The following ZSWIM5 variants were observed in gnomAD, a reference collection of about 807,000 sequenced individuals.
The protein encoded by ZSWIM5 is zinc finger SWIM domain-containing protein 5.
A neutral mutation model predicts 119.6 loss-of-function variants in ZSWIM5; 55 were observed. That is an observed-to-expected ratio of 0.46 (90% confidence interval 0.37 to 0.58). The LOEUF is 0.58. ZSWIM5 is among the 20% of genes least tolerant of loss of function. The probability of loss-of-function intolerance (pLI) is 0.00; values close to 1 mark genes in which losing one functional copy is unlikely to be tolerated. For synonymous variants in ZSWIM5, 537 were observed against 606.9 expected, an observed-to-expected ratio of 0.88 and a Z score of 1.69; for missense variants, 1,193 against 1,512.8, an observed-to-expected ratio of 0.79 and a Z score of 3.51.
chr1:45,182,038 A>C (rs1014379583), intron 1 of ZSWIM5, among the ~76,000 whole-genome samples: 33 of 152,186 alleles, frequency 2.2e-4, no homozygotes, highest in African/African-American at 8.0e-4. Flanking sequence ...GAGCAAAATA[A>C]CCAGCTAACA....
intron 2 of ZSWIM5, among the ~76,000 whole-genome samples, chr1:45,085,672 A>ATTG (rs1645323143): frequency 6.6e-6 from 1 of 151,962 alleles, no homozygotes. Context: ...CACAGATCCC[A>ATTG]AGGGCAGGGG....
At chr1:45,112,862 G>A (rs1645526644) in intron 1 of ZSWIM5, among the ~76,000 whole-genome samples, 1 of 152,226 alleles carries the variant, frequency 6.6e-6, no homozygotes, top group African/African-American at 2.4e-5. Flanking sequence ...ATGGACAACT[G>A]TGTAGACAGT....
chr1:45,143,009 A>G (rs1001211789), intron 1 of ZSWIM5, among the ~76,000 whole-genome samples: 1 of 135,162 alleles, frequency 7.4e-6, no homozygotes, highest in Non-Finnish European at 1.6e-5. Context: ...TGTCTCTACC[A>G]AAAAAAAAAA....
chr1:45,051,894 C>T (rs1159871609), intron 4 of ZSWIM5, among the ~76,000 whole-genome samples: 3 of 152,092 alleles, frequency 2.0e-5, no homozygotes, highest in Non-Finnish European at 4.4e-5. Flanking sequence ...TTACCTAGCA[C>T]ATAGTAGAAT....
rs575425617 is a variant in ZSWIM5, at chr1:45,192,767, T to C, written c.595+12989A>G. 3.7e-4 allele frequency among the ~76,000 whole-genome samples: 56 copies of C among 152,318 alleles called. 1 individual carries two copies. In the Middle Eastern group the frequency reaches 0.01, roughly 28 times the overall value. On this transcript the variant is annotated intron_variant, in intron 1 of 13. Transcript: ENST00000359600. ...TCTACAAAAGCTACACCATTTTATA[T>C]TTCCAAATGGTTCCAACTTCTCCAC... is the stretch of plus-strand genomic sequence containing the variant.
intron 1 of ZSWIM5, among the ~76,000 whole-genome samples, chr1:45,145,632 G>C (rs1269367269): frequency 6.6e-6 from 1 of 151,972 alleles, no homozygotes; most frequent in Non-Finnish European, 1.5e-5. Flanking sequence ...TATAATGATG[G>C]AGAACAGATC....
intron 4 of ZSWIM5, among the ~76,000 whole-genome samples, chr1:45,052,224 C>T (rs1309374395): frequency 6.6e-6 from 1 of 151,842 alleles, no homozygotes; most frequent in Non-Finnish European, 1.5e-5. Context: ...TGAGGTTTCA[C>T]CATGTCGGCT....
At chr1:45,064,753 A>G (rs1645173727) in intron 2 of ZSWIM5, among the ~76,000 whole-genome samples, 1 of 152,204 alleles carries the variant, frequency 6.6e-6, no homozygotes. Context: ...ATGAGGCCAT[A>G]TTATTCTCCT....
intron 1 of ZSWIM5, among the ~76,000 whole-genome samples, chr1:45,169,010 C>A (rs1016245274): frequency 6.6e-6 from 1 of 152,070 alleles, no homozygotes; most frequent in Admixed American, 6.6e-5. Context: ...TACCCAAACT[C>A]TTCAGAAAGA....
intron 1 of ZSWIM5, among the ~76,000 whole-genome samples, chr1:45,093,323 T>C (rs1446573366): frequency 1.3e-5 from 2 of 152,234 alleles, no homozygotes; most frequent in Non-Finnish European, 2.9e-5. Context: ...TTGAAACCTC[T>C]AGGTTAATCT....
chr1:45,049,277 A>G (rs535949181), intron 5 of ZSWIM5, among the ~76,000 whole-genome samples: 1 of 152,298 alleles, frequency 6.6e-6, no homozygotes, highest in Admixed American at 6.5e-5. Flanking sequence ...CAGACAGTAT[A>G]GTTTGATGGC....
At chr1:45,055,457 A>G (rs1446140129) in intron 4 of ZSWIM5, among the ~76,000 whole-genome samples, 2 of 152,202 alleles carry the variant, frequency 1.3e-5, no homozygotes, top group Admixed American at 6.5e-5. Flanking sequence ...TCTTGATGCT[A>G]TATATTGAGA....
intron 2 of ZSWIM5, among the ~76,000 whole-genome samples, chr1:45,076,805 GTCTCC>G (rs1645258767): frequency 6.6e-6 from 1 of 150,562 alleles, no homozygotes; most frequent in South Asian, 2.1e-4. Flanking sequence ...TCTTTTTTTC[GTCTCC>G]TCTGACTGTG....
Position 45,205,897 on chromosome 1 carries a change from C to A in ZSWIM5, c.454G>T (p.Ala152Ser). The A allele has an allele frequency of 9.6e-7, 1 of 1,038,052 alleles. No individual in the cohort carries two copies. Among genetic ancestry groups the A allele is most frequent in the East Asian group, 8.5e-5 (1 of 11,730 alleles). 64.3% of individuals were successfully genotyped at this position (1,038,052 alleles called of 1,614,324 possible). ...GCCCCAGCCGCGACGCCCCCGGGGG[C>A]GGAGCCGGCCGGAGCGGCGGCCCCG... is the stretch of plus-strand genomic sequence containing the variant. ...PPGAAAPAGSAPGGVAAGASP... is the reference protein window; with the variant it reads ...PPGAAAPAGSSPGGVAAGASP... The change falls in exon 1 of 14, where the codon GCC becomes TCC. Residue 152 changes from alanine (A) to serine (S), a missense_variant. Physicochemically the swap from Ala to Ser is moderately conservative, Grantham distance 99. Coordinates refer to ENST00000359600, the MANE Select transcript of ZSWIM5 (RefSeq NM_020883.2).
At chr1:45,055,961 G>A (rs1645119189) in intron 4 of ZSWIM5, among the ~76,000 whole-genome samples, 1 of 152,072 alleles carries the variant, frequency 6.6e-6, no homozygotes, top group Non-Finnish European at 1.5e-5. Flanking sequence ...AGACCCTGTT[G>A]CTACAAAAGG....
intron 11 of ZSWIM5, among the ~76,000 whole-genome samples, chr1:45,033,867 C>CT (rs970847655): frequency 1.0e-3 from 144 of 143,496 alleles, no homozygotes; most frequent in Middle Eastern, 3.6e-3. Flanking sequence ...GATCCAGGTG[C>CT]TTTTTTTTTT....
At chr1:45,052,947 C>G (rs1416905405) in intron 4 of ZSWIM5, among the ~76,000 whole-genome samples, 2 of 151,524 alleles carry the variant, frequency 1.3e-5, no homozygotes, top group African/African-American at 4.8e-5. Context: ...CATGGAGAAA[C>G]CCCGTCTCTA....
chr1:45,205,763 C>A lies in ZSWIM5; in HGVS notation c.588G>T (p.Leu196=). Residue 196 remains leucine, a synonymous_variant, in exon 1 of 14, where the codon CTG becomes CTT. Coordinates refer to ENST00000359600, the MANE Select transcript of ZSWIM5 (RefSeq NM_020883.2). ...LLDSGSVENV[L]QVGFHLSGTV... is the part of the protein sequence containing the mutation. ...GCCTGGACGAGCACATACCGACTTG[C>A]AGCACGTTCTCCACGGAGCCGCTGT... is the stretch of plus-strand genomic sequence containing the variant. 1 of 1,567,838 alleles carries A rather than the reference C, an allele frequency of 6.4e-7. No individual in the cohort carries two copies. The highest frequency in any genetic ancestry group is 8.6e-7 in the Non-Finnish European group (1 of 1,161,940).
chr1:45,070,215 A>G, intron 2 of ZSWIM5: 2 of 1,442,348 alleles, frequency 1.4e-6, no homozygotes, highest in African/African-American at 1.4e-5. Context: ...CAAGAAAGCT[A>G]CTGGCCTCTG....
Sources: allele counts gnomAD v4.1 joint callset (sites outside exome capture counted in the v4.1 genomes callset), GRCh38; gene constraint gnomAD v4.1.1; transcripts MANE v1.5; gene names NCBI Gene and HGNC (gene_info 2026-07-23, HGNC 2026-07-21).